TMEM266: variants seen among roughly 807,000 people sequenced by gnomAD.
TMEM266 encodes transmembrane protein 266.
Under a neutral mutation model 50.5 loss-of-function variants are expected in TMEM266, and 33 were observed. The observed-to-expected ratio is 0.65, with a 90% CI of 0.50 to 0.87. The LOEUF (loss-of-function observed/expected upper bound fraction) is 0.87. TMEM266 is among the 40% of genes least tolerant of loss of function. TMEM266 has a pLI of 0.00. For synonymous variants in TMEM266, 310 were observed against 292.3 expected (o/e 1.06, Z -0.62); for missense variants, 655 against 695.1 (o/e 0.94, Z 0.65).
intron 5 of TMEM266, among the ~76,000 whole-genome samples, chr15:76,164,051 CT>C (rs1463743271): frequency 6.6e-6 from 1 of 152,224 alleles, no homozygotes; most frequent in East Asian, 1.9e-4. Flanking sequence ...CCCCTGCCCC[CT>C]ATACGGCCGC....
intron 1 of TMEM266, among the ~76,000 whole-genome samples, chr15:76,115,113 T>A (rs933054636): frequency 4.6e-5 from 7 of 152,188 alleles, no homozygotes; most frequent in Admixed American, 6.5e-5. Flanking sequence ...TCTATTTTTT[T>A]AAAAAAGAAA....
intron 1 of TMEM266, among the ~76,000 whole-genome samples, chr15:76,121,457 C>G (rs1039722100): frequency 2.0e-5 from 3 of 151,960 alleles, no homozygotes; most frequent in Admixed American, 6.6e-5. Context: ...CACTCTGTCA[C>G]CCAGGCTGGA....
intron 1 of TMEM266, among the ~76,000 whole-genome samples, chr15:76,128,552 CG>C (rs2037458277): frequency 6.6e-6 from 1 of 152,166 alleles, no homozygotes; most frequent in South Asian, 2.1e-4. Context: ...GTTGGCACTT[CG>C]GATGTTCATT....
chr15:76,147,559 C>T (rs2037774146), intron 3 of TMEM266, among the ~76,000 whole-genome samples: 2 of 152,222 alleles, frequency 1.3e-5, no homozygotes, highest in African/African-American at 4.8e-5. Flanking sequence ...CCCAAACTGA[C>T]CCTGTGACCC....
At chr15:76,150,327 C>T (rs905023224) in intron 3 of TMEM266, among the ~76,000 whole-genome samples, 2 of 152,186 alleles carry the variant, frequency 1.3e-5, no homozygotes, top group African/African-American at 2.4e-5. Context: ...CGATCTGGCT[C>T]CTGCTACCAG....
chr15:76,156,857 G>C (rs928597039), intron 4 of TMEM266, 99 bp downstream of exon 4: 2 of 1,237,782 alleles, frequency 1.6e-6, no homozygotes, highest in East Asian at 2.6e-5. Context: ...GCTGTGATCT[G>C]CCCCCGCCGA....
At position 76,112,833 on chromosome 15, in the gene TMEM266, A is replaced by G. The variant is rs1052422351; in HGVS notation, c.-96-21335A>G. On this transcript the variant is annotated intron_variant, in intron 1 of 10. Transcript: ENST00000388942. ...GAGCTTACGGTCTAGAGTAGATGGT[A>G]TGTGAGCATAAACCACTATAACACA... 11 of 152,284 alleles carry G rather than the reference A, an allele frequency of 7.2e-5. No homozygotes were observed. In the East Asian group the frequency reaches 2.1e-3, roughly 29 times the overall value. The allele number at this position is 152,284 out of a possible 1,614,324, so 9.4% of individuals were successfully genotyped here. A position where few individuals can be genotyped will look rare whatever the true frequency, so the allele number is the denominator to read the frequency against.
At chr15:76,085,822 G>T (rs549826695) in intron 1 of TMEM266, among the ~76,000 whole-genome samples, 1 of 152,088 alleles carries the variant, frequency 6.6e-6, no homozygotes, top group Admixed American at 6.5e-5. Flanking sequence ...CGAGGTGGGC[G>T]GATCACCTGA....
rs191066298 is a variant in TMEM266, at chr15:76,124,749, T to C, written c.-96-9419T>C. ...ACGTGTTTCAGGCTACAGTGAGCTA[T>C]GATTGTGCTGCTGTACTCCAGCCTT... On this transcript the variant is annotated intron_variant, in intron 1 of 10. Coordinates refer to ENST00000388942, the MANE Select transcript of TMEM266 (RefSeq NM_152335.3). 7.2e-5 allele frequency among the ~76,000 whole-genome samples: 11 copies of C among 152,286 alleles called. No individual in the cohort carries two copies. The East Asian group carries it at 2.1e-3, about 29-fold the overall frequency.
intron 1 of TMEM266, among the ~76,000 whole-genome samples, chr15:76,098,856 A>G (rs1221254431): frequency 6.6e-6 from 1 of 152,166 alleles, no homozygotes; most frequent in African/African-American, 2.4e-5. Flanking sequence ...CAAACTTCCC[A>G]GCAGCTTTGT....
chr15:76,152,965 G>A (rs542607584), intron 3 of TMEM266, among the ~76,000 whole-genome samples: 1 of 152,082 alleles, frequency 6.6e-6, no homozygotes, highest in Non-Finnish European at 1.5e-5. Context: ...CCTGGCATTC[G>A]AATCCTGCCA....
At chr15:76,185,656 A>G (rs1467411984) in intron 8 of TMEM266, among the ~76,000 whole-genome samples, 1 of 152,214 alleles carries the variant, frequency 6.6e-6, no homozygotes, top group Non-Finnish European at 1.5e-5. Flanking sequence ...TTTTCTGCTT[A>G]CTTGCATGAT....
Position 76,077,508 on chromosome 15 carries a change from G to A in TMEM266, c.-97+17492G>A, listed in dbSNP as rs76929694. Among the ~76,000 whole-genome samples the A allele has an allele frequency of 3.5e-3, 538 of 152,182 alleles. 4 individuals carry two copies. Among genetic ancestry groups the A allele is most frequent in the Middle Eastern group, 3.4e-3 (1 of 294 alleles). ...GAATCTGTGAATGTTACCTTATCTGGAAAAGGGGTCTTTGCAGATGAGATT... is the reference window on the plus strand; with the variant it reads ...GAATCTGTGAATGTTACCTTATCTGAAAAAGGGGTCTTTGCAGATGAGATT... On this transcript the variant is annotated intron_variant, in intron 1 of 10. Coordinates refer to ENST00000388942, the MANE Select transcript of TMEM266 (RefSeq NM_152335.3).
At chr15:76,140,877 A>C (rs1056309623) in intron 3 of TMEM266, among the ~76,000 whole-genome samples, 20 of 151,852 alleles carry the variant, frequency 1.3e-4, no homozygotes, top group Non-Finnish European at 2.8e-4. Context: ...TCTACAAAAA[A>C]AAAAAAAAAA....
At chr15:76,130,521 C>G (rs1596123475) in intron 1 of TMEM266, among the ~76,000 whole-genome samples, 1 of 152,232 alleles carries the variant, frequency 6.6e-6, no homozygotes, top group East Asian at 1.9e-4. Context: ...GCCTGGGTGA[C>G]AGTGAAACTG....
chr15:76,184,343 C>T (rs1188164702), intron 8 of TMEM266, among the ~76,000 whole-genome samples: 1 of 152,196 alleles, frequency 6.6e-6, no homozygotes, highest in South Asian at 2.1e-4. Context: ...AGAGGAATAA[C>T]TTATGTTATC....
chr15:76,171,953 A>G (rs1451944046), intron 7 of TMEM266, among the ~76,000 whole-genome samples: 2 of 152,168 alleles, frequency 1.3e-5, no homozygotes, highest in Non-Finnish European at 2.9e-5. Context: ...ATGACGACAG[A>G]GGCAGGACAC....
At chr15:76,073,077 ATG>A (rs2036559618) in intron 1 of TMEM266, among the ~76,000 whole-genome samples, 2 of 151,626 alleles carry the variant, frequency 1.3e-5, no homozygotes, top group Non-Finnish European at 2.9e-5. Context: ...GATTACAGGC[ATG>A]TGTCACCACA....
At chr15:76,137,182 C>G (rs1312118453) in intron 2 of TMEM266, among the ~76,000 whole-genome samples, 1 of 152,188 alleles carries the variant, frequency 6.6e-6, no homozygotes, top group Non-Finnish European at 1.5e-5. Flanking sequence ...CCAAGGCCCA[C>G]TAGGTCTCTA....
Sources: allele counts gnomAD v4.1 joint callset (sites outside exome capture counted in the v4.1 genomes callset), GRCh38; gene constraint gnomAD v4.1.1; transcripts MANE v1.5; gene names NCBI Gene and HGNC (gene_info 2026-07-23, HGNC 2026-07-21).